Variants in TPH2 observed in about 807,000 individuals in gnomAD.
TPH2 encodes tryptophan hydroxylase 2.
In TPH2, 27 loss-of-function variants were observed where a neutral mutation model predicts 59.1. The ratio of observed to expected loss-of-function variants is 0.46; its 90% CI spans 0.34 to 0.63. The LOEUF (loss-of-function observed/expected upper bound fraction) is 0.63. Among genes scored for constraint, TPH2 ranks in the 30% least tolerant of loss-of-function variants. The pLI is 0.01. For missense variants in TPH2, 523 were observed against 588.3 expected (o/e 0.89, Z 1.15); for synonymous variants, 220 against 210.5 (o/e 1.05, Z -0.39).
chr12:71,985,944 A>G (rs1375010516), intron 7 of TPH2, among the ~76,000 whole-genome samples: 1 of 152,202 alleles, frequency 6.6e-6, no homozygotes, highest in Non-Finnish European at 1.5e-5. Context: ...ACCTCTCTAC[A>G]GTATTGAGCA....
intron 7 of TPH2, among the ~76,000 whole-genome samples, chr12:71,986,768 A>T (rs1337253622): frequency 6.6e-6 from 1 of 151,894 alleles, no homozygotes; most frequent in Non-Finnish European, 1.5e-5. Flanking sequence ...CCCAAATCAA[A>T]ATTTATATTC....
intron 7 of TPH2, among the ~76,000 whole-genome samples, chr12:71,983,870 T>A (rs577672897): frequency 6.6e-6 from 1 of 152,046 alleles, no homozygotes; most frequent in South Asian, 2.1e-4. Flanking sequence ...CATGGTGAGA[T>A]GTCTCAGTGG....
chr12:71,954,106 T>A (rs961479906), intron 5 of TPH2, among the ~76,000 whole-genome samples: 2 of 151,924 alleles, frequency 1.3e-5, no homozygotes, highest in Non-Finnish European at 2.9e-5. Flanking sequence ...AATGAAAAAA[T>A]TCCACTCTAT....
intron 8 of TPH2, among the ~76,000 whole-genome samples, chr12:72,017,365 A>G (rs1232705704): frequency 2.6e-5 from 4 of 152,200 alleles, no homozygotes; most frequent in Non-Finnish European, 4.4e-5. Context: ...CTGCTTAATG[A>G]CTGCATGTAT....
rs190386173 is a variant in TPH2 at position 72,003,664 on chromosome 12, A to G, written c.1068+9099A>G. 3.9e-5 allele frequency among the ~76,000 whole-genome samples: 6 copies of G among 152,222 alleles called. No individual in the cohort carries two copies. In the East Asian group the frequency reaches 1.2e-3, roughly 29 times the overall value. The stretch of plus-strand genomic sequence containing the variant: ...GCTGTTTTGTTCTACTCATATGTGC[A>G]TGTTTCCTTTATGATATTTGTTGTT... On this transcript the variant is annotated intron_variant, in intron 8 of 10. Transcript: ENST00000333850.
chr12:71,949,465 G>T, intron 4 of TPH2, 123 bp from the exon 5 acceptor site: 1 of 766,440 alleles, frequency 1.3e-6, no homozygotes, highest in South Asian at 1.5e-5. Flanking sequence ...CATCAAGATG[G>T]CCATCCTAGG....
At chr12:71,961,848 G>A (rs774303593) in intron 5 of TPH2, 15 of 1,162,590 alleles carry the variant, frequency 1.3e-5, no homozygotes, top group Non-Finnish European at 1.6e-5. Flanking sequence ...TGTTCTCCCT[G>A]AGGCTCCTTA....
chr12:71,972,571 G>C lies in TPH2; in HGVS notation c.661G>C (p.Gly221Arg). 1 of 1,614,064 alleles carries C rather than the reference G, an allele frequency of 6.2e-7. No individual in the cohort carries two copies. The highest frequency in any genetic ancestry group is 8.5e-7 in the Non-Finnish European group (1 of 1,179,996). Residue 221 changes from glycine (G) to arginine (R), a missense_variant, in exon 6 of 11, where the codon GGT becomes CGT. Transcript: ENST00000333850. ...TACTGAAGAAGAAACTAAAACTTGGGGTGTTGTATTCCGGGAGCTCTCCAA... is the reference window on the plus strand; with the variant it reads ...TACTGAAGAAGAAACTAAAACTTGGCGTGTTGTATTCCGGGAGCTCTCCAA... ...EYTEEETKTW[G>R]VVFRELSKLY...
intron 4 of TPH2, among the ~76,000 whole-genome samples, chr12:71,947,505 A>C (rs2139181904): frequency 6.6e-6 from 1 of 151,254 alleles, no homozygotes; most frequent in South Asian, 2.1e-4. Flanking sequence ...TTTCAGATAA[A>C]TAAGGAGTAG....
chr12:71,962,091 G>A lies in TPH2; in HGVS notation c.609-10428G>A, dbSNP rs182238058. 9.0e-6 allele frequency: 9 copies of A among 999,452 alleles called. No homozygotes were observed. In the African/African-American group the frequency reaches 1.2e-4, roughly 14 times the overall value. The allele number at this position is 999,452 out of a possible 1,614,324, so 61.9% of individuals were successfully genotyped here. A position where few individuals can be genotyped will look rare whatever the true frequency, so the allele number is the denominator to read the frequency against. ...GGGGACTAGCTGAAAATGCGTTTAT[G>A]CCTTTATGTTTACTCTATGGCGTGG... On this transcript the variant is annotated intron_variant, in intron 5 of 10. Transcript: ENST00000333850.
In TPH2 at chr12:71,958,947, T is replaced by C. The variant is rs558800253; in HGVS notation, c.608+9292T>C. On this transcript the variant is annotated intron_variant, in intron 5 of 10. Coordinates refer to ENST00000333850, the MANE Select transcript of TPH2 (RefSeq NM_173353.4). ...CACCAGCTCAGCAGGCACATTCAAT[T>C]TGGGTGAGCTTGTGAATATTCTACT... is the stretch of plus-strand genomic sequence containing the variant. Among the ~76,000 whole-genome samples, 74 of 152,288 alleles carry C rather than the reference T, an allele frequency of 4.9e-4. 1 individual carries two copies. The highest frequency in any genetic ancestry group is 1.4e-3 in the African/African-American group (60 of 41,544).
In TPH2 at chr12:71,944,316, A is replaced by G; in HGVS notation, c.278A>G (p.His93Arg). The G allele has an allele frequency of 6.2e-7, 1 of 1,613,824 alleles. No individual in the cohort carries two copies. The highest frequency in any genetic ancestry group is 8.5e-7 in the Non-Finnish European group (1 of 1,179,802). Residue 93 changes from histidine (H) to arginine (R), a missense_variant, in exon 3 of 11, where the codon CAT becomes CGT. Physicochemically the swap from His to Arg is conservative, Grantham distance 29. Transcript: ENST00000333850. ...LFQEKRVNMV[H>R]IESRKSRRRS... The stretch of plus-strand genomic sequence containing the variant: ...CAGGAAAAACGTGTCAACATGGTTC[A>G]TATTGAATCCAGGAAATCTCGGCGA...
chr12:71,962,665 G>A (rs1871718740), intron 5 of TPH2: 1 of 985,126 alleles, frequency 1.0e-6, no homozygotes. Flanking sequence ...ATTTAAATCT[G>A]TGTTTTGCTT....
chr12:71,950,103 G>T (rs1261408328), intron 5 of TPH2, among the ~76,000 whole-genome samples: 1 of 152,172 alleles, frequency 6.6e-6, no homozygotes, highest in Non-Finnish European at 1.5e-5. Flanking sequence ...ACATGGAGAG[G>T]AAAACTTCCT....
intron 2 of TPH2, among the ~76,000 whole-genome samples, chr12:71,942,036 G>A (rs567149087): frequency 6.6e-6 from 1 of 152,242 alleles, no homozygotes; most frequent in South Asian, 2.1e-4. Flanking sequence ...AAACACAAGA[G>A]CCAAACAGGG....
intron 8 of TPH2, among the ~76,000 whole-genome samples, chr12:72,014,226 A>G (rs1352086019): frequency 6.6e-6 from 1 of 152,076 alleles, no homozygotes; most frequent in Non-Finnish European, 1.5e-5. Flanking sequence ...AGTGAGGACT[A>G]GAACTCTGGA....
At chr12:71,948,467 G>T (rs1430093616) in intron 4 of TPH2, among the ~76,000 whole-genome samples, 1 of 152,156 alleles carries the variant, frequency 6.6e-6, no homozygotes. Flanking sequence ...CAAGCAGACA[G>T]CCCTGTGAAG....
chr12:71,970,025 T>C (rs1035724509), intron 5 of TPH2, among the ~76,000 whole-genome samples: 2 of 152,238 alleles, frequency 1.3e-5, no homozygotes, highest in African/African-American at 2.4e-5. Flanking sequence ...TGTTACTGTA[T>C]GCTTGTATTA....
At chr12:71,956,894 G>A (rs929539149) in intron 5 of TPH2, among the ~76,000 whole-genome samples, 2 of 152,118 alleles carry the variant, frequency 1.3e-5, no homozygotes, top group African/African-American at 4.8e-5. Flanking sequence ...ACAGGTGTGA[G>A]CCACTGTGGC....
Sources: allele counts gnomAD v4.1 joint callset (sites outside exome capture counted in the v4.1 genomes callset), GRCh38; gene constraint gnomAD v4.1.1; transcripts MANE v1.5; gene names NCBI Gene and HGNC (gene_info 2026-07-23, HGNC 2026-07-21).